The following COL18A1 variants were observed in gnomAD, a reference collection of about 807,000 sequenced individuals.
COL18A1 encodes collagen type XVIII alpha 1 chain.
Under a neutral mutation model 168.0 loss-of-function variants are expected in COL18A1, and 133 were observed. The observed-to-expected ratio is 0.79, with a 90% CI of 0.69 to 0.91. COL18A1 has a LOEUF of 0.91. COL18A1 is among the 40% of genes least tolerant of loss of function. The probability of loss-of-function intolerance (pLI) is 0.00; values close to 1 mark genes in which losing one functional copy is unlikely to be tolerated. For synonymous variants in COL18A1, 949 were observed against 809.0 expected, an observed-to-expected ratio of 1.17 and a Z score of -2.94; for missense variants, 2,126 against 1,925.4, an observed-to-expected ratio of 1.10 and a Z score of -1.95.
At chr21:45,497,180 G>A (rs1018883652) in intron 31 of COL18A1, 88 bp downstream of exon 31, 1 of 889,316 alleles carries the variant, frequency 1.1e-6, no homozygotes, top group Non-Finnish European at 1.9e-6. Context: ...GCAGCAGTGA[G>A]ACTCCCCCAG....
intron 38 of COL18A1, among the ~76,000 whole-genome samples, chr21:45,508,587 G>T (rs996225053): frequency 6.6e-6 from 1 of 152,118 alleles, no homozygotes; most frequent in Non-Finnish European, 1.5e-5. Flanking sequence ...AGCTGCTGTC[G>T]GCCCCTCCTT....
intron 2 of COL18A1, among the ~76,000 whole-genome samples, chr21:45,461,441 G>T (rs114340452): frequency 6.6e-6 from 1 of 151,250 alleles, no homozygotes; most frequent in Non-Finnish European, 1.5e-5. Flanking sequence ...CATGGGCACC[G>T]TCCATCCGGC....
At position 45,451,115 on chromosome 21, in the gene COL18A1, G is replaced by A. The variant is rs2034612350; in HGVS notation, c.107-17127G>A. Among the ~76,000 whole-genome samples, 3 of 152,256 alleles carry A rather than the reference G, an allele frequency of 2.0e-5. No individual in the cohort carries two copies. In the South Asian group the frequency reaches 6.2e-4, roughly 31 times the overall value. On this transcript the variant is annotated intron_variant, in intron 2 of 41. Transcript: ENST00000651438. ...GAGCTGTTAGCCTCAGGCTCCTCAG[G>A]AGCGGGCAGGTCATGATAACAAGAG...
rs2034419909 is a variant in COL18A1, at chr21:45,443,012, TGTG to T, written c.107-25228_107-25226del. 7.1e-6 allele frequency among the ~76,000 whole-genome samples: 1 copy of T among 140,778 alleles called. No individual in the cohort carries two copies. Among genetic ancestry groups the T allele is most frequent in the African/African-American group, 2.9e-5 (1 of 34,630 alleles). 92.4% of individuals were successfully genotyped at this position (140,778 alleles called of 152,430 possible). ...GTGCTGGTGTGGGCGGCGGTGCTGATGTGGGTGGTGGTGGTGCTGATGTGGGCG... is the reference window on the plus strand; with the variant it reads ...GTGCTGGTGTGGGCGGCGGTGCTGATGGTGGTGGTGGTGCTGATGTGGGCG... On this transcript the variant is annotated intron_variant, in intron 2 of 41. Coordinates refer to ENST00000651438, the MANE Select transcript of COL18A1 (RefSeq NM_001379500.1). This position sits in a 1 kb window ranked among gnomAD's most constrained non-coding sequence, Gnocchi z 5.2.
At chr21:45,470,425 CTTTTTTTTTT>C (rs1195744330) in intron 3 of COL18A1, among the ~76,000 whole-genome samples, 3 of 37,114 alleles carry the variant, frequency 8.1e-5, no homozygotes, top group South Asian at 1.1e-3. Context: ...TTTACCTTGT[CTTTTTTTTTT>C]TTTTTTTTTT....
chr21:45,505,895 G>C lies in COL18A1; in HGVS notation c.3145G>C (p.Gly1049Arg). 1.9e-6 allele frequency: 3 copies of C among 1,612,970 alleles called. No individual in the cohort carries two copies. The highest frequency in any genetic ancestry group is 8.5e-7 in the Non-Finnish European group (1 of 1,179,978). ...GGGCCAGGTGCACGAGGTTCCCGAG[G>C]GCTGGCTCATCTTCGTGGCCGAGCA... is the stretch of plus-strand genomic sequence containing the variant. ...MLGQVHEVPEGWLIFVAEQEE... is the reference protein window; with the variant it reads ...MLGQVHEVPERWLIFVAEQEE... The change falls in exon 37 of 42, where the codon GGC (glycine) becomes CGC (arginine). Residue 1049 changes from glycine (G) to arginine (R), a missense_variant. Coordinates refer to ENST00000651438, the MANE Select transcript of COL18A1 (RefSeq NM_001379500.1).
intron 2 of COL18A1, chr21:45,424,307 C>T (rs2123559864): frequency 6.6e-6 from 1 of 152,558 alleles, no homozygotes; most frequent in South Asian, 2.1e-4. Flanking sequence ...CACAGGCAGG[C>T]TCAGGGCTCT....
intron 2 of COL18A1, chr21:45,455,441 A>AG (rs1208478515): frequency 6.4e-7 from 1 of 1,559,186 alleles, no homozygotes; most frequent in Non-Finnish European, 8.7e-7. Flanking sequence ...AAGCCTGCAC[A>AG]GGGGAGGGCA....
At chr21:45,453,007 GTA>G (rs773672972) in intron 2 of COL18A1, among the ~76,000 whole-genome samples, 72 of 151,442 alleles carry the variant, frequency 4.8e-4, no homozygotes, top group South Asian at 1.0e-3. Context: ...GAGCCTATAT[GTA>G]TGTGTGTGAT....
intron 2 of COL18A1, among the ~76,000 whole-genome samples, chr21:45,436,833 G>T (rs2034115577): frequency 6.6e-6 from 1 of 151,024 alleles, no homozygotes; most frequent in South Asian, 2.1e-4. Flanking sequence ...GTGGCTGGGG[G>T]AGTGCCGTGC....
At chr21:45,503,987 A>AC (rs753479549) in intron 32 of COL18A1, 24 bp from the exon 33 acceptor site, 146 of 1,612,772 alleles carry the variant, frequency 9.1e-5, no homozygotes, top group Middle Eastern at 1.7e-4. Flanking sequence ...CCTCAGCGAG[A>AC]CCCCGCCTGT....
In COL18A1 at chr21:45,405,593, C is replaced by T. The variant is rs2033071997; in HGVS notation, c.106+120C>T. On this transcript the variant is annotated intron_variant, in intron 2 of 41. Transcript: ENST00000651438. ...GGCCGCTCTGGGTTCAGCCCCGGCCCTGCCCACGCGCGCAGGAGGCGCCGG... is the reference window on the plus strand; with the variant it reads ...GGCCGCTCTGGGTTCAGCCCCGGCCTTGCCCACGCGCGCAGGAGGCGCCGG... The T allele has an allele frequency of 1.3e-5, 7 of 537,684 alleles. No homozygotes were observed. The East Asian group carries it at 2.5e-4, about 19-fold the overall frequency. The allele number at this position is 537,684 out of a possible 1,614,324, so 33.3% of individuals were successfully genotyped here. A position where few individuals can be genotyped will look rare whatever the true frequency, so the allele number is the denominator to read the frequency against.
chr21:45,492,812 A>G (rs772511082), intron 24 of COL18A1, 99 bp downstream of exon 24: 9 of 934,814 alleles, frequency 9.6e-6, no homozygotes, highest in Non-Finnish European at 1.4e-5. Flanking sequence ...GGGCCTTGTC[A>G]GGCCCGAGGG....
chr21:45,407,609 G>C (rs2123491783), intron 2 of COL18A1: 1 of 152,440 alleles, frequency 6.6e-6, no homozygotes, highest in South Asian at 2.1e-4. Flanking sequence ...GTGCTTCAGA[G>C]TCAGAGTGGA....
intron 2 of COL18A1, among the ~76,000 whole-genome samples, chr21:45,466,371 G>A (rs541645601): frequency 6.6e-6 from 1 of 152,284 alleles, no homozygotes; most frequent in African/African-American, 2.4e-5. Context: ...TTCCTGAGGG[G>A]GAAATGGTCT....
At chr21:45,492,443 T>G in intron 22 of COL18A1, 92 bp from the exon 23 acceptor site, 8 of 1,442,076 alleles carry the variant, frequency 5.5e-6, no homozygotes, top group East Asian at 2.3e-5. Flanking sequence ...AATTTCCTGG[T>G]TTGGTGTTTT....
At chr21:45,491,201 C>G (rs143641374) in intron 21 of COL18A1, 24 bp from the exon 22 acceptor site, 1 of 1,590,748 alleles carries the variant, frequency 6.3e-7, no homozygotes, top group Non-Finnish European at 8.6e-7. Flanking sequence ...GATGAAATGC[C>G]GGACGCGTGG....
chr21:45,414,925 A>T (rs1221878907), intron 2 of COL18A1, among the ~76,000 whole-genome samples: 10 of 152,022 alleles, frequency 6.6e-5, no homozygotes, highest in African/African-American at 2.4e-4. Context: ...CCTTATAGAG[A>T]AGGGGCAGGA....
rs1470258024 is a variant in COL18A1 at position 45,437,749 on chromosome 21, CAG to C, written c.107-30491_107-30490del. 3.2e-4 allele frequency among the ~76,000 whole-genome samples: 22 copies of C among 69,146 alleles called. 4 individuals are homozygous for C. The highest frequency in any genetic ancestry group is 3.2e-4 in the Non-Finnish European group (13 of 40,036). 45.4% of individuals were successfully genotyped at this position (69,146 alleles called of 152,430 possible). A position where few individuals can be genotyped will look rare whatever the true frequency, so the allele number is the denominator to read the frequency against. ...TCCTGCACACACACACTCACACACT[CAG>C]ACACAGGCACTCTCCTGCACACACA... On this transcript the variant is annotated intron_variant, in intron 2 of 41. Coordinates refer to ENST00000651438, the MANE Select transcript of COL18A1 (RefSeq NM_001379500.1).
Sources: gnomAD v4.1 joint callset for allele counts (sites outside exome capture counted in the v4.1 genomes callset) on GRCh38, gnomAD v4.1.1 for gene constraint, Gnocchi (gnomAD v3.1) non-coding constraint, MANE v1.5 for transcripts, NCBI Gene and HGNC (gene_info 2026-07-23, HGNC 2026-07-21) for gene names.